Variants in C18orf63 observed in about 807,000 individuals in gnomAD.
The protein encoded by C18orf63 is uncharacterized protein C18orf63.
In C18orf63, 50 loss-of-function variants were observed where a neutral mutation model predicts 75.3. The ratio of observed to expected loss-of-function variants is 0.66; its 90% CI spans 0.53 to 0.84. The LOEUF is 0.84. C18orf63 is among the 40% of genes least tolerant of loss of function. The probability of loss-of-function intolerance (pLI) is 0.00; values close to 1 mark genes in which losing one functional copy is unlikely to be tolerated. For missense variants in C18orf63, 732 were observed against 800.2 expected (o/e 0.91, Z 1.03); for synonymous variants, 232 against 267.6 (o/e 0.87, Z 1.30).
Position 74,318,102 on chromosome 18 carries a change from T to C in C18orf63, c.134+103T>C, listed in dbSNP as rs114589284. On this transcript the variant is annotated intron_variant, in intron 2 of 13. Transcript: ENST00000579455. The stretch of plus-strand genomic sequence containing the variant: ...AAGCAAAATACTCATTCACTCAACT[T>C]GTGTTTATAATTTTAAAATAAAGGA... 0.012 allele frequency: 8,267 copies of C among 668,742 alleles called. 409 individuals carry two copies. The East Asian group carries it at 0.14, about 11-fold the overall frequency. The allele number at this position is 668,742 out of a possible 1,614,324, so 41.4% of individuals were successfully genotyped here. A position where few individuals can be genotyped will look rare whatever the true frequency, so the allele number is the denominator to read the frequency against.
intron 1 of C18orf63, among the ~76,000 whole-genome samples, chr18:74,316,514 G>A (rs1984028344): frequency 6.6e-6 from 1 of 152,174 alleles, no homozygotes; most frequent in Non-Finnish European, 1.5e-5. Flanking sequence ...TTAGCGCACA[G>A]CACTGCAGGA....
chr18:74,329,308 AG>A (rs1984262782), intron 6 of C18orf63, among the ~76,000 whole-genome samples: 1 of 141,582 alleles, frequency 7.1e-6, no homozygotes, highest in Non-Finnish European at 1.5e-5. Context: ...CAGGAGGTTG[AG>A]GCTGCAGTGA....
chr18:74,327,761 A>C (rs1309616142), intron 4 of C18orf63, among the ~76,000 whole-genome samples, 186 bp from the exon 5 acceptor site: 1 of 152,180 alleles, frequency 6.6e-6, no homozygotes, highest in Non-Finnish European at 1.5e-5. Context: ...TTTTGAAGTG[A>C]ATATATTTTA....
intron 5 of C18orf63, 142 bp downstream of exon 5, chr18:74,328,200 T>G (rs1473641233): frequency 5.1e-6 from 3 of 583,420 alleles, no homozygotes; most frequent in Non-Finnish European, 9.0e-6. Flanking sequence ...GATTCACAGT[T>G]CCACATGGCT....
Position 74,359,055 on chromosome 18 carries a change from C to T in C18orf63, c.*2608C>T, listed in dbSNP as rs948055656. ...CTAATATATTGGGTATTTATTGATA[C>T]TTAGGAATAGTCAGTATTTATAAAT... is the stretch of plus-strand genomic sequence containing the variant. On this transcript the variant is annotated 3_prime_UTR_variant, in exon 14 of 14. Coordinates refer to ENST00000579455, the MANE Select transcript of C18orf63 (RefSeq NM_001174123.2). 3.9e-5 allele frequency: 6 copies of T among 152,018 alleles called. No homozygotes were observed. Among genetic ancestry groups the T allele is most frequent in the East Asian group, 1.9e-4 (1 of 5,194 alleles). The allele number at this position is 152,018 out of a possible 1,614,324, so 9.4% of individuals were successfully genotyped here.
At chr18:74,321,896 C>CA (rs1984129873) in intron 3 of C18orf63, among the ~76,000 whole-genome samples, 3 of 151,856 alleles carry the variant, frequency 2.0e-5, no homozygotes, top group Admixed American at 2.0e-4. Flanking sequence ...TGAAACTTGC[C>CA]ATTCATTTCC....
At chr18:74,333,669 C>A (rs1984345859) in intron 7 of C18orf63, among the ~76,000 whole-genome samples, 1 of 152,136 alleles carries the variant, frequency 6.6e-6, no homozygotes, top group African/African-American at 2.4e-5. Flanking sequence ...GTCCCTCCCA[C>A]AACATGTGGG....
At position 74,342,023 on chromosome 18, in the gene C18orf63, T is replaced by A; in HGVS notation, c.612-9T>A. On this transcript the variant is annotated splice_polypyrimidine_tract_variant and intron_variant, in intron 8 of 13. Coordinates refer to ENST00000579455, the MANE Select transcript of C18orf63 (RefSeq NM_001174123.2). ...TTGGCTCATAATAGCTTCCTCTCATTTTTCATAGTATGAAAATGGGACAAA... is the reference window on the plus strand; with the variant it reads ...TTGGCTCATAATAGCTTCCTCTCATATTTCATAGTATGAAAATGGGACAAA... 1 of 1,410,688 alleles carries A rather than the reference T, an allele frequency of 7.1e-7. No individual in the cohort carries two copies. The highest frequency in any genetic ancestry group is 1.4e-5 in the African/African-American group (1 of 70,128). The allele number at this position is 1,410,688 out of a possible 1,614,324, so 87.4% of individuals were successfully genotyped here.
rs559788710 is a variant in C18orf63, at chr18:74,359,068, A to G, written c.*2621A>G. 6.6e-6 allele frequency: 1 copy of G among 152,306 alleles called. No individual in the cohort carries two copies. Among genetic ancestry groups the G allele is most frequent in the East Asian group, 1.9e-4 (1 of 5,188 alleles). The allele number at this position is 152,306 out of a possible 1,614,324, so 9.4% of individuals were successfully genotyped here. The stretch of plus-strand genomic sequence containing the variant: ...TATTTATTGATACTTAGGAATAGTC[A>G]GTATTTATAAATATTTAAGAATGTC... On this transcript the variant is annotated 3_prime_UTR_variant, in exon 14 of 14. Coordinates refer to ENST00000579455, the MANE Select transcript of C18orf63 (RefSeq NM_001174123.2).
intron 11 of C18orf63, among the ~76,000 whole-genome samples, chr18:74,346,064 A>G (rs985474575): frequency 2.0e-5 from 3 of 151,934 alleles, no homozygotes; most frequent in Non-Finnish European, 4.4e-5. Flanking sequence ...CCACATATTA[A>G]ATATATATTC....
chr18:74,321,667 ATATCT>A (rs1166324303), intron 3 of C18orf63, among the ~76,000 whole-genome samples: 1 of 152,094 alleles, frequency 6.6e-6, no homozygotes, highest in Non-Finnish European at 1.5e-5. Flanking sequence ...AGGTAAATTA[ATATCT>A]TATTTGTATC....
chr18:74,356,149 G>A (rs562010119), intron 13 of C18orf63, among the ~76,000 whole-genome samples: 1 of 152,148 alleles, frequency 6.6e-6, no homozygotes, highest in African/African-American at 2.4e-5. Context: ...AAATTTGTGG[G>A]GTACAAGTGC....
rs1984777918 is a variant in C18orf63, at chr18:74,356,994, ATATAG to A, written c.*552_*556del. ...AAAGTGTATATATTTCTAACATAAG[ATATAG>A]TATATTTTTTAAGAAAAAAAGAATG... On this transcript the variant is annotated 3_prime_UTR_variant, in exon 14 of 14. Transcript: ENST00000579455. 1 of 152,142 alleles carries A rather than the reference ATATAG, an allele frequency of 6.6e-6. No homozygotes were observed. The highest frequency in any genetic ancestry group is 1.9e-4 in the East Asian group (1 of 5,202). The allele number at this position is 152,142 out of a possible 1,614,324, so 9.4% of individuals were successfully genotyped here.
rs891506001 is a variant in C18orf63, at chr18:74,317,851, C to G, written c.-15C>G. On this transcript the variant is annotated 5_prime_UTR_variant, in exon 2 of 14. Coordinates refer to ENST00000579455, the MANE Select transcript of C18orf63 (RefSeq NM_001174123.2). ...TTTTAAAGGCCTGATTGCTGAGACACTCAGTCAGGAAAGTATGAATGATTC... is the reference window on the plus strand; with the variant it reads ...TTTTAAAGGCCTGATTGCTGAGACAGTCAGTCAGGAAAGTATGAATGATTC... The G allele has an allele frequency of 6.6e-7, 1 of 1,515,838 alleles. No homozygotes were observed. The highest frequency in any genetic ancestry group is 1.4e-5 in the African/African-American group (1 of 72,202). 93.9% of individuals were successfully genotyped at this position (1,515,838 alleles called of 1,614,324 possible).
chr18:74,335,825 A>G (rs777872509), intron 7 of C18orf63, among the ~76,000 whole-genome samples: 4 of 152,164 alleles, frequency 2.6e-5, no homozygotes, highest in Admixed American at 2.0e-4. Context: ...AAAACTTACC[A>G]GAAGAAGGGA....
chr18:74,332,034 C>T (rs990180587), intron 7 of C18orf63, among the ~76,000 whole-genome samples: 8 of 152,110 alleles, frequency 5.3e-5, no homozygotes, highest in Admixed American at 6.5e-5. Flanking sequence ...TCCCAAGGTT[C>T]CAAACCGTGT....
intron 11 of C18orf63, among the ~76,000 whole-genome samples, chr18:74,347,386 A>G (rs1001020300): frequency 2.0e-5 from 3 of 152,230 alleles, no homozygotes; most frequent in Non-Finnish European, 4.4e-5. Flanking sequence ...AAAATGGCCC[A>G]TCAGAGTTGT....
intron 7 of C18orf63, 101 bp downstream of exon 7, chr18:74,331,043 GCGTGC>G: frequency 2.3e-6 from 1 of 432,768 alleles, no homozygotes; most frequent in Non-Finnish European, 3.8e-6. Flanking sequence ...TTAACATAAA[GCGTGC>G]TAGAAAGGTT....
chr18:74,328,396 G>A (rs148552351), intron 5 of C18orf63, among the ~76,000 whole-genome samples: 25 of 152,212 alleles, frequency 1.6e-4, no homozygotes, highest in Admixed American at 2.6e-4. Context: ...ATCTCCCACC[G>A]GGTCCTTCCC....
Sources: allele counts gnomAD v4.1 joint callset (sites outside exome capture counted in the v4.1 genomes callset), GRCh38; gene constraint gnomAD v4.1.1; transcripts MANE v1.5; gene names NCBI Gene and HGNC (gene_info 2026-07-23, HGNC 2026-07-21).